CALN1: variants seen among roughly 807,000 people sequenced by gnomAD.
CALN1 encodes the protein calcium-binding protein 8.
Under a neutral mutation model 30.6 loss-of-function variants are expected in CALN1, and 17 were observed. The observed-to-expected ratio is 0.56, with a 90% CI of 0.38 to 0.83. The LOEUF is 0.83. Ranked by LOEUF, CALN1 falls within the 40% of genes least tolerant of loss-of-function variation. The pLI, the probability that CALN1 is intolerant of heterozygous loss-of-function variation, is 0.00. For synonymous variants in CALN1, 156 were observed against 131.4 expected (o/e 1.19, Z -1.28); for missense variants, 291 against 354.9 (o/e 0.82, Z 1.45).
intron 3 of CALN1, among the ~76,000 whole-genome samples, chr7:72,221,123 G>C (rs538278582): frequency 9.8e-4 from 149 of 152,062 alleles, no homozygotes; most frequent in African/African-American, 3.4e-3. Flanking sequence ...TTGCAAATTT[G>C]CAACAATTTC....
chr7:71,863,180 GC>G, intron 5 of CALN1, among the ~76,000 whole-genome samples: 2 of 151,814 alleles, frequency 1.3e-5, no homozygotes, highest in Admixed American at 1.3e-4. Context: ...GATTGCTTGG[GC>G]CTGGGAGATG....
chr7:72,159,823 G>A (rs1787971887), intron 3 of CALN1, among the ~76,000 whole-genome samples: 1 of 151,826 alleles, frequency 6.6e-6, no homozygotes, highest in South Asian at 2.1e-4. Flanking sequence ...ATAAAAAGTG[G>A]GTAGGTGCAA....
rs1438992810 is a variant in CALN1, at chr7:71,780,087, A to G, written c.*7688T>C. 1 of 152,190 alleles carries G rather than the reference A, an allele frequency of 6.6e-6. No homozygotes were observed. The highest frequency in any genetic ancestry group is 1.5e-5 in the Non-Finnish European group (1 of 68,028). 9.4% of individuals were successfully genotyped at this position (152,190 alleles called of 1,614,324 possible). ...ACCCAATGCCTGGACAGACTTTCTG[A>G]GTCTAATTTTTCTCCAAAGTCATTG... On this transcript the variant is annotated 3_prime_UTR_variant, in exon 7 of 7. Coordinates refer to ENST00000395275, the MANE Select transcript of CALN1 (RefSeq NM_031468.4).
At chr7:72,346,512 T>C (rs974106409) in intron 2 of CALN1, among the ~76,000 whole-genome samples, 13 of 152,160 alleles carry the variant, frequency 8.5e-5, no homozygotes, top group Admixed American at 6.6e-4. Context: ...TCAGTTAAAA[T>C]TTATTTATTA....
At chr7:71,842,969 G>A (rs1285404578) in intron 5 of CALN1, among the ~76,000 whole-genome samples, 1 of 152,112 alleles carries the variant, frequency 6.6e-6, no homozygotes, top group Non-Finnish European at 1.5e-5. Flanking sequence ...AATCAGTGAA[G>A]GAAAATCCTA....
chr7:72,318,372 C>G (rs559989728), intron 2 of CALN1, among the ~76,000 whole-genome samples: 1 of 152,306 alleles, frequency 6.6e-6, no homozygotes, highest in Non-Finnish European at 1.5e-5. Context: ...CCCTCTTACT[C>G]TGGAGCAAAA....
intron 2 of CALN1, among the ~76,000 whole-genome samples, chr7:72,292,507 C>T (rs1322603609): frequency 6.7e-6 from 1 of 149,178 alleles, no homozygotes; most frequent in Non-Finnish European, 1.5e-5. Flanking sequence ...TCTGCTAATA[C>T]CATCACATTG....
intron 5 of CALN1, among the ~76,000 whole-genome samples, chr7:71,960,417 A>G (rs904566130): frequency 2.0e-5 from 3 of 152,160 alleles, no homozygotes; most frequent in Non-Finnish European, 4.4e-5. Context: ...GTAAGTGAGA[A>G]CATGTGGTAT....
At chr7:72,453,802 G>C in the CALN1 span, among the ~76,000 whole-genome samples, 12 of 152,280 alleles carry the variant, frequency 7.9e-5, no homozygotes, top group South Asian at 2.1e-4. Context: ...ATGCACTTTG[G>C]AGTATAAATG....
intron 3 of CALN1, among the ~76,000 whole-genome samples, chr7:72,204,419 A>G (rs1266390945): frequency 6.6e-6 from 1 of 152,150 alleles, no homozygotes; most frequent in African/African-American, 2.4e-5. Context: ...ATTTTCAATG[A>G]CCATATTGCA....
At position 72,215,791 on chromosome 7, in the gene CALN1, G is replaced by GATTC. The variant is rs1302626238; in HGVS notation, c.244+62891_244+62894dup. Among the ~76,000 whole-genome samples the GATTC allele has an allele frequency of 9.2e-5, 14 of 152,200 alleles. 1 individual carries two copies. In the East Asian group the frequency reaches 2.7e-3, roughly 29 times the overall value. On this transcript the variant is annotated intron_variant, in intron 3 of 6. Coordinates refer to ENST00000395275, the MANE Select transcript of CALN1 (RefSeq NM_031468.4). ...ATTCCCTGCTGCACGAGGCCTTTGG[G>GATTC]ATTCACTCAGTGTTGAGCCACAGCC... is the stretch of plus-strand genomic sequence containing the variant.
chr7:71,821,436 C>G (rs1351323561), intron 5 of CALN1, among the ~76,000 whole-genome samples: 1 of 152,078 alleles, frequency 6.6e-6, no homozygotes, highest in Non-Finnish European at 1.5e-5. Flanking sequence ...AAAGTCATGT[C>G]TTACATGGCA....
chr7:72,069,981 A>G, intron 4 of CALN1, among the ~76,000 whole-genome samples: 1 of 152,168 alleles, frequency 6.6e-6, no homozygotes, highest in East Asian at 1.9e-4. Context: ...CTTCCCAAGA[A>G]CAACATCTGT....
intron 3 of CALN1, among the ~76,000 whole-genome samples, chr7:72,232,428 C>A (rs1794172735): frequency 6.6e-6 from 1 of 151,990 alleles, no homozygotes; most frequent in Non-Finnish European, 1.5e-5. Flanking sequence ...TCACTTCATG[C>A]AATGGACTCG....
intron 1 of CALN1, among the ~76,000 whole-genome samples, chr7:72,437,718 C>CT (rs2129564262): frequency 9.1e-6 from 1 of 109,814 alleles, no homozygotes; most frequent in Admixed American, 1.1e-4. Context: ...TCTTTCCTTC[C>CT]TTCTTTCCTT....
intron 4 of CALN1, among the ~76,000 whole-genome samples, chr7:72,036,216 A>G (rs1213085720): frequency 1.3e-5 from 2 of 152,194 alleles, no homozygotes; most frequent in African/African-American, 2.4e-5. Flanking sequence ...CATGCTGACA[A>G]TCTTACTGAC....
At chr7:72,291,786 T>C (rs911418269) in intron 2 of CALN1, among the ~76,000 whole-genome samples, 1 of 152,162 alleles carries the variant, frequency 6.6e-6, no homozygotes, top group African/African-American at 2.4e-5. Context: ...CTAATTTTTG[T>C]ATTTTTGGTA....
At chr7:72,159,622 AC>A (rs1787958822) in intron 3 of CALN1, among the ~76,000 whole-genome samples, 1 of 152,050 alleles carries the variant, frequency 6.6e-6, no homozygotes, top group South Asian at 2.1e-4. Flanking sequence ...ACATGGTGAA[AC>A]CCCACCTCCA....
In CALN1 at chr7:71,817,110, T is replaced by C. The variant is rs552007210; in HGVS notation, c.502-6618A>G. 6.0e-5 allele frequency among the ~76,000 whole-genome samples: 9 copies of C among 151,220 alleles called. No homozygotes were observed. The South Asian group carries it at 1.7e-3, about 28-fold the overall frequency. On this transcript the variant is annotated intron_variant, in intron 5 of 6. Coordinates refer to ENST00000395275, the MANE Select transcript of CALN1 (RefSeq NM_031468.4). ...ATTGTCAATATCTGTCTTTCAAAAG[T>C]TTGAAAAAAATCACTGTAAAACAAT...
Sources: allele counts gnomAD v4.1 joint callset (sites outside exome capture counted in the v4.1 genomes callset), GRCh38; gene constraint gnomAD v4.1.1; transcripts MANE v1.5; gene names NCBI Gene and HGNC (gene_info 2026-07-23, HGNC 2026-07-21).